Variants in GPC5 observed in about 807,000 individuals in gnomAD.
The protein encoded by GPC5 is glypican 5.
GPC5 carries 47 observed loss-of-function variants against 53.9 expected under a neutral mutation model. That is an observed-to-expected ratio of 0.87 (90% CI 0.69 to 1.11). GPC5 has a LOEUF of 1.11. GPC5 is among the 50% of genes most tolerant of loss of function. The pLI is 0.00. For missense variants in GPC5, 748 were observed against 713.1 expected (o/e 1.05, Z -0.56); for synonymous variants, 286 against 263.3 (o/e 1.09, Z -0.84).
chr13:92,220,506 G>C (rs1053915458), intron 7 of GPC5, among the ~76,000 whole-genome samples: 1 of 152,148 alleles, frequency 6.6e-6, no homozygotes, highest in Non-Finnish European at 1.5e-5. Context: ...GTCTAGGCAG[G>C]TCAAAGATAC....
chr13:91,729,547 T>A (rs1206769589), intron 4 of GPC5, among the ~76,000 whole-genome samples: 3 of 152,172 alleles, frequency 2.0e-5, no homozygotes, highest in Non-Finnish European at 4.4e-5. Flanking sequence ...TAAAATCTGT[T>A]TCTTTCTTTT....
At chr13:91,928,732 C>T (rs999449677) in intron 6 of GPC5, among the ~76,000 whole-genome samples, 5 of 152,104 alleles carry the variant, frequency 3.3e-5, no homozygotes, top group African/African-American at 7.2e-5. Flanking sequence ...GAAATACACA[C>T]CCCATTCTCC....
chr13:92,753,766 G>T (rs1431683298), intron 7 of GPC5, among the ~76,000 whole-genome samples: 1 of 151,760 alleles, frequency 6.6e-6, no homozygotes, highest in Admixed American at 6.6e-5. Flanking sequence ...AAGCGAGAAG[G>T]GAAGTTTAGA....
intron 7 of GPC5, among the ~76,000 whole-genome samples, chr13:92,675,597 A>G (rs1933183): frequency 0.22 from 33,528 of 151,832 alleles, 4,359 homozygotes; most frequent in South Asian, 0.36. Context: ...TTTTAACTAT[A>G]AAGCAAGTAC....
In GPC5 at chr13:91,457,151, A is replaced by G. The variant is rs1881618651; in HGVS notation, c.325+8229A>G. ...TACATTACTTGCCAGCTTTTTTGAT[A>G]GGGCTTTTTTCATAGCTATTTTTGT... On this transcript the variant is annotated intron_variant, in intron 2 of 7. Coordinates refer to ENST00000377067, the MANE Select transcript of GPC5 (RefSeq NM_004466.6). 4.6e-5 allele frequency among the ~76,000 whole-genome samples: 7 copies of G among 152,028 alleles called. No individual in the cohort carries two copies. The South Asian group carries it at 1.4e-3, about 31-fold the overall frequency.
At chr13:92,352,628 G>A (rs969559658) in intron 7 of GPC5, among the ~76,000 whole-genome samples, 5 of 152,122 alleles carry the variant, frequency 3.3e-5, no homozygotes, top group African/African-American at 9.7e-5. Flanking sequence ...TGATCATGAA[G>A]ATTCCAATCA....
intron 2 of GPC5, among the ~76,000 whole-genome samples, chr13:91,589,396 A>G (rs2032716206): frequency 6.6e-6 from 1 of 151,848 alleles, no homozygotes; most frequent in Non-Finnish European, 1.5e-5. Context: ...TGCAACTACA[A>G]ACTCAGGAGG....
At chr13:92,218,635 G>A (rs1306762908) in intron 7 of GPC5, among the ~76,000 whole-genome samples, 1 of 151,928 alleles carries the variant, frequency 6.6e-6, no homozygotes, top group African/African-American at 2.4e-5. Flanking sequence ...AATCCCAACC[G>A]CCTTCACTAG....
At chr13:92,632,451 G>C (rs1306020436) in intron 7 of GPC5, among the ~76,000 whole-genome samples, 8 of 116,874 alleles carry the variant, frequency 6.8e-5, no homozygotes, top group South Asian at 5.6e-4. Flanking sequence ...TTTTGGAGGA[G>C]AAAATATTCC....
At chr13:91,926,212 T>G (rs1849670951) in intron 6 of GPC5, among the ~76,000 whole-genome samples, 1 of 151,646 alleles carries the variant, frequency 6.6e-6, no homozygotes, top group Non-Finnish European at 1.5e-5. Flanking sequence ...ATACAAAAAA[T>G]TAGCCAGGCA....
intron 7 of GPC5, among the ~76,000 whole-genome samples, chr13:92,385,794 C>CATATATGT (rs1555332011): frequency 2.0e-5 from 2 of 99,456 alleles, no homozygotes; most frequent in Admixed American, 1.1e-4. Flanking sequence ...TATATATATA[C>CATATATGT]ATATATACGT....
chr13:92,772,803 T>C (rs2138751282), intron 7 of GPC5, among the ~76,000 whole-genome samples: 1 of 152,328 alleles, frequency 6.6e-6, no homozygotes, highest in South Asian at 2.1e-4. Flanking sequence ...TCAAAAATAT[T>C]TCTTATCACA....
At chr13:91,603,671 A>G (rs2033254148) in intron 2 of GPC5, among the ~76,000 whole-genome samples, 1 of 152,146 alleles carries the variant, frequency 6.6e-6, no homozygotes, top group African/African-American at 2.4e-5. Flanking sequence ...TTTTGAAGGG[A>G]TTTGTTCTCT....
Position 92,186,683 on chromosome 13 carries a change from C to A in GPC5, c.1561+41694C>A, listed in dbSNP as rs548467794. ...GGATTTGATTCTAACTCACTACTGA[C>A]TGCATCGTCAAGGATTGGTGACTTG... On this transcript the variant is annotated intron_variant, in intron 7 of 7. Coordinates refer to ENST00000377067, the MANE Select transcript of GPC5 (RefSeq NM_004466.6). Among the ~76,000 whole-genome samples the A allele has an allele frequency of 1.8e-4, 27 of 152,296 alleles. No homozygotes were observed. In the South Asian group the frequency reaches 4.8e-3, roughly 27 times the overall value.
At chr13:92,174,938 C>T (rs1174172455) in intron 7 of GPC5, among the ~76,000 whole-genome samples, 2 of 152,180 alleles carry the variant, frequency 1.3e-5, no homozygotes, top group Non-Finnish European at 2.9e-5. Flanking sequence ...CAACCTCTGC[C>T]TTCTGGGTTC....
chr13:91,416,294 C>T (rs1262807156), intron 1 of GPC5, among the ~76,000 whole-genome samples: 1 of 152,118 alleles, frequency 6.6e-6, no homozygotes, highest in Non-Finnish European at 1.5e-5. Flanking sequence ...CTGTGTGCTG[C>T]TGCATTTTAC....
chr13:91,633,579 C>T (rs1315907987), intron 2 of GPC5, among the ~76,000 whole-genome samples: 1 of 152,126 alleles, frequency 6.6e-6, no homozygotes, highest in African/African-American at 2.4e-5. Flanking sequence ...TGGAAGACAA[C>T]TCAGGTTGGA....
intron 7 of GPC5, among the ~76,000 whole-genome samples, chr13:92,745,500 T>C (rs1889219091): frequency 6.6e-6 from 1 of 152,140 alleles, no homozygotes; most frequent in African/African-American, 2.4e-5. Flanking sequence ...CCATGTTTTA[T>C]AGATACTTGG....
intron 2 of GPC5, among the ~76,000 whole-genome samples, chr13:91,692,930 C>T (rs2035787876): frequency 6.6e-6 from 1 of 152,232 alleles, no homozygotes; most frequent in African/African-American, 2.4e-5. Flanking sequence ...AGGCGTGAGC[C>T]ACCACGCCTG....
Sources: allele counts gnomAD v4.1 joint callset (sites outside exome capture counted in the v4.1 genomes callset), GRCh38; gene constraint gnomAD v4.1.1; transcripts MANE v1.5; gene names NCBI Gene and HGNC (gene_info 2026-07-23, HGNC 2026-07-21).